FHOD3: variants seen among roughly 807,000 people sequenced by gnomAD.
FHOD3 encodes the protein FH1/FH2 domain-containing protein 3.
FHOD3 carries 90 observed loss-of-function variants against 173.0 expected under a neutral mutation model. The observed-to-expected ratio is 0.52, with a 90% CI of 0.44 to 0.62. The LOEUF (loss-of-function observed/expected upper bound fraction) is 0.62, where lower values mean the gene tolerates loss of function less well. Ranked by LOEUF, FHOD3 falls within the 20% of genes least tolerant of loss-of-function variation. The pLI, the probability that FHOD3 is intolerant of heterozygous loss-of-function variation, is 0.00. For synonymous variants in FHOD3, 828 were observed against 823.0 expected (o/e 1.01, Z -0.10); for missense variants, 1,945 against 2,034.7 (o/e 0.96, Z 0.85).
intron 17 of FHOD3, among the ~76,000 whole-genome samples, chr18:36,702,392 A>C (rs1472300645): frequency 6.6e-6 from 1 of 152,258 alleles, no homozygotes; most frequent in Admixed American, 6.5e-5. Flanking sequence ...GAACTGGTCT[A>C]ACACCAAAGG....
rs770601848 is a variant in FHOD3, at chr18:36,755,261, C to T, written c.4375C>T (p.Arg1459Trp). 22 of 1,611,220 alleles carry T rather than the reference C, an allele frequency of 1.4e-5. No individual in the cohort carries two copies. Among genetic ancestry groups the T allele is most frequent in the Admixed American group, 3.3e-5 (2 of 59,750 alleles). The part of the protein sequence containing the change: ...RERVLQQKQK[R>W]ANHRERNKTR... ...AAGGGTTTTGCAGCAGAAACAGAAA[C>T]GGGCCAACCACAGAGAGAGAAATAA... is the stretch of plus-strand genomic sequence containing the variant. The change falls in exon 25 of 29, where the codon CGG becomes TGG. Residue 1459 changes from arginine (R) to tryptophan (W), a missense_variant. By Grantham distance (101) the Arg-to-Trp change is moderately radical. Transcript: ENST00000590592.
At chr18:36,474,454 C>T (rs1180944505) in intron 3 of FHOD3, among the ~76,000 whole-genome samples, 1 of 152,154 alleles carries the variant, frequency 6.6e-6, no homozygotes. Flanking sequence ...TCTGTTTGGG[C>T]CATGCTCTAA....
At chr18:36,557,320 T>G (rs1186679364) in intron 5 of FHOD3, among the ~76,000 whole-genome samples, 1 of 152,118 alleles carries the variant, frequency 6.6e-6, no homozygotes, top group Non-Finnish European at 1.5e-5. Context: ...GCTATTTATT[T>G]TAAATTTTTT....
chr18:36,358,363 C>T (rs555623297), intron 2 of FHOD3, among the ~76,000 whole-genome samples: 9 of 152,202 alleles, frequency 5.9e-5, no homozygotes, highest in African/African-American at 1.9e-4. Context: ...TTCACCTGGG[C>T]GACACCTGTC....
Position 36,779,448 on chromosome 18 carries a change from T to C in FHOD3, c.4787T>C (p.Leu1596Ser), listed in dbSNP as rs2043942566. Residue 1596 changes from leucine (L) to serine (S), a missense_variant and splice_region_variant, in exon 29 of 29, where the codon TTG becomes TCG. Leu to Ser is a moderately radical substitution (Grantham distance 145). Coordinates refer to ENST00000590592, the MANE Select transcript of FHOD3 (RefSeq NM_001281740.3). ...RKRSRANRKS[L>S]RRTLKSGLTP... ...GGTGTGACCTGCACCACCACTGCAG[T>C]GCGAAGAACCCTGAAGAGCGGCCTG... The C allele has an allele frequency of 6.2e-6, 10 of 1,614,010 alleles. No individual in the cohort carries two copies. The highest frequency in any genetic ancestry group is 7.6e-6 in the Non-Finnish European group (9 of 1,180,034).
intron 5 of FHOD3, among the ~76,000 whole-genome samples, chr18:36,571,623 T>G (rs1282419451): frequency 1.3e-5 from 2 of 152,230 alleles, no homozygotes; most frequent in Non-Finnish European, 1.5e-5. Flanking sequence ...TAACATTTAC[T>G]CTAAAGCTAT....
At chr18:36,523,729 G>A (rs17651103) in intron 5 of FHOD3, among the ~76,000 whole-genome samples, 3,336 of 152,250 alleles carry the variant, frequency 0.022, 63 homozygotes, top group Non-Finnish European at 0.031. Context: ...GGGGTCAGGT[G>A]GTACTGGATG....
intron 3 of FHOD3, among the ~76,000 whole-genome samples, chr18:36,492,267 C>T (rs1480946227): frequency 6.6e-6 from 1 of 152,156 alleles, no homozygotes; most frequent in Non-Finnish European, 1.5e-5. Flanking sequence ...ATCTGAACCT[C>T]CACTCTCCAT....
rs769632583 is a variant in FHOD3 at position 36,709,243 on chromosome 18, G to C, written c.2385G>C (p.Pro795=). The change falls in exon 18 of 29, where the codon CCG becomes CCC. Residue 795 remains proline, a synonymous_variant. Transcript: ENST00000590592. The part of the protein sequence containing the change: ...TEVEQALEQE[P]EERASLSEKE... ...TGGAGCAGGCACTAGAGCAAGAGCC[G>C]GAAGAAAGAGCCTCCCTCAGTGAAA... The C allele has an allele frequency of 6.2e-7, 1 of 1,614,074 alleles. No homozygotes were observed. The highest frequency in any genetic ancestry group is 2.2e-5 in the East Asian group (1 of 44,888).
intron 13 of FHOD3, among the ~76,000 whole-genome samples, chr18:36,656,193 C>T (rs1472569616): frequency 6.6e-6 from 1 of 152,146 alleles, no homozygotes; most frequent in Non-Finnish European, 1.5e-5. Flanking sequence ...CATTGGCTTT[C>T]TCTCCCTTCT....
chr18:36,709,153 G>A lies in FHOD3; in HGVS notation c.2295G>A (p.Ala765=), dbSNP rs776503779. 56 of 1,614,034 alleles carry A rather than the reference G, an allele frequency of 3.5e-5. 1 individual carries two copies. The highest frequency in any genetic ancestry group is 1.6e-4 in the Middle Eastern group (1 of 6,062). ...CAGAACCGGAAGCAGAGGCAGGGGC[G>A]GGGCAGGTTGCTGATGAAGCTGGCC... ...SEAEPEAEAG[A]GQVADEAGQD... The change falls in exon 18 of 29, where the codon GCG becomes GCA. Residue 765 remains alanine, a synonymous_variant. Coordinates refer to ENST00000590592, the MANE Select transcript of FHOD3 (RefSeq NM_001281740.3).
intron 28 of FHOD3, among the ~76,000 whole-genome samples, chr18:36,769,705 A>G (rs1469007785): frequency 6.6e-6 from 1 of 151,976 alleles, no homozygotes; most frequent in African/African-American, 2.4e-5. Context: ...AAAGTCCTTA[A>G]GTGTCTGTGG....
intron 3 of FHOD3, among the ~76,000 whole-genome samples, chr18:36,382,857 G>A (rs901133329): frequency 2.6e-5 from 4 of 152,182 alleles, no homozygotes; most frequent in Admixed American, 6.5e-5. Flanking sequence ...CTGACCATAT[G>A]TTTCATTTCT....
intron 18 of FHOD3, chr18:36,710,338 G>A (rs1161699749): frequency 6.6e-6 from 1 of 152,176 alleles, no homozygotes; most frequent in Non-Finnish European, 1.5e-5. Context: ...AGCTACATAT[G>A]AGTGGCACCC....
At chr18:36,414,676 A>G (rs1336582787) in intron 3 of FHOD3, among the ~76,000 whole-genome samples, 2 of 152,232 alleles carry the variant, frequency 1.3e-5, no homozygotes, top group Non-Finnish European at 2.9e-5. Flanking sequence ...TGATGGCAAC[A>G]GTGGCGGCAG....
intron 3 of FHOD3, among the ~76,000 whole-genome samples, chr18:36,480,189 A>G (rs1473369873): frequency 6.6e-6 from 1 of 152,190 alleles, no homozygotes; most frequent in African/African-American, 2.4e-5. Context: ...CGGTGTCCAC[A>G]TACCTTTTCC....
intron 3 of FHOD3, among the ~76,000 whole-genome samples, chr18:36,445,189 A>G (rs948078004): frequency 2.0e-5 from 3 of 152,224 alleles, no homozygotes; most frequent in Non-Finnish European, 4.4e-5. Flanking sequence ...TTCTAAAGGC[A>G]TCAGCACAGT....
At chr18:36,594,963 T>A in intron 7 of FHOD3, 65 bp downstream of exon 7, 1 of 977,296 alleles carries the variant, frequency 1.0e-6, no homozygotes, top group Non-Finnish European at 1.6e-6. Flanking sequence ...GGCTTCTGTG[T>A]TGTACATGCT....
At chr18:36,661,736 T>C (rs1370125512) in intron 14 of FHOD3, among the ~76,000 whole-genome samples, 1 of 152,154 alleles carries the variant, frequency 6.6e-6, no homozygotes, top group East Asian at 1.9e-4. Context: ...GAATGATAAA[T>C]TGACATAGGA....
Sources: allele counts gnomAD v4.1 joint callset (sites outside exome capture counted in the v4.1 genomes callset), GRCh38; gene constraint gnomAD v4.1.1; transcripts MANE v1.5; gene names NCBI Gene and HGNC (gene_info 2026-07-23, HGNC 2026-07-21).